The following DOCK1 variants were observed in gnomAD, a reference collection of about 807,000 sequenced individuals.
DOCK1 encodes the protein dedicator of cytokinesis 1.
A neutral mutation model predicts 262.7 loss-of-function variants in DOCK1; 138 were observed. That is an observed-to-expected ratio of 0.53 (90% confidence interval 0.46 to 0.61). The LOEUF is 0.61. Among genes scored for constraint, DOCK1 ranks in the 20% least tolerant of loss-of-function variants. DOCK1 has a pLI of 0.00. For missense variants in DOCK1, 1,908 were observed against 2,370.7 expected (o/e 0.80, Z 4.05); for synonymous variants, 866 against 867.4 (o/e 1.00, Z 0.03).
At chr10:127,074,643 C>T (rs535255020) in intron 23 of DOCK1, among the ~76,000 whole-genome samples, 6 of 152,228 alleles carry the variant, frequency 3.9e-5, no homozygotes, top group Non-Finnish European at 8.8e-5. Flanking sequence ...AGGTTTTCTT[C>T]TTGCCTGTGT....
chr10:127,378,581 G>T lies in DOCK1; in HGVS notation c.3676-1501G>T, dbSNP rs1351300986. Among the ~76,000 whole-genome samples, 8 of 152,326 alleles carry T rather than the reference G, an allele frequency of 5.3e-5. No homozygotes were observed. The East Asian group carries it at 1.5e-3, about 29-fold the overall frequency. On this transcript the variant is annotated intron_variant, in intron 35 of 51. Coordinates refer to ENST00000623213, the MANE Select transcript of DOCK1 (RefSeq NM_001290223.2). ...AGGAAGGGAACAGGACTCAGCACAG[G>T]CAGAAAATAGAAGACATTTCGTATC... is the stretch of plus-strand genomic sequence containing the variant.
chr10:126,949,677 C>T, intron 1 of DOCK1, among the ~76,000 whole-genome samples: 1 of 152,240 alleles, frequency 6.6e-6, no homozygotes, highest in Non-Finnish European at 1.5e-5. Context: ...TTGACTGATG[C>T]AGGAAGGATC....
intron 1 of DOCK1, among the ~76,000 whole-genome samples, chr10:126,949,380 G>T (rs1378853532): frequency 6.6e-6 from 1 of 152,088 alleles, no homozygotes; most frequent in African/African-American, 2.4e-5. Flanking sequence ...CAGGATTTCG[G>T]CTCCCACGTG....
At chr10:127,037,517 G>T (rs969712655) in intron 18 of DOCK1, among the ~76,000 whole-genome samples, 1 of 152,158 alleles carries the variant, frequency 6.6e-6, no homozygotes, top group Non-Finnish European at 1.5e-5. Flanking sequence ...GGTAAATGTC[G>T]TTGGGAATAA....
Position 127,404,354 on chromosome 10 carries a change from C to A in DOCK1, c.4047C>A (p.Ile1349=). The change falls in exon 40 of 52, where the codon ATC becomes ATA. Residue 1349 remains isoleucine, a synonymous_variant. Coordinates refer to ENST00000623213, the MANE Select transcript of DOCK1 (RefSeq NM_001290223.2). ...LKKQAQFYEN[I]VKVIRPKPDY... is the part of the protein sequence containing the mutation. The stretch of plus-strand genomic sequence containing the variant: ...AACAGGCTCAGTTTTATGAAAACAT[C>A]GTCAAAGTGATCAGGCCCAAGCCTG... 6.2e-7 allele frequency: 1 copy of A among 1,613,808 alleles called. No individual in the cohort carries two copies. Among genetic ancestry groups the A allele is most frequent in the Non-Finnish European group, 8.5e-7 (1 of 1,179,822 alleles).
chr10:127,126,117 CAG>C (rs2049941331), intron 26 of DOCK1, among the ~76,000 whole-genome samples: 1 of 146,540 alleles, frequency 6.8e-6, no homozygotes, highest in African/African-American at 2.5e-5. Flanking sequence ...TCTTTTGAGA[CAG>C]AGTCTTACAC....
intron 1 of DOCK1, among the ~76,000 whole-genome samples, chr10:126,910,502 C>T (rs2031610689): frequency 6.6e-6 from 1 of 151,992 alleles, no homozygotes; most frequent in East Asian, 1.9e-4. Context: ...TTCTTTTCTT[C>T]CTCTCTGTAC....
At chr10:127,070,206 C>T (rs1486110001) in intron 23 of DOCK1, among the ~76,000 whole-genome samples, 1 of 150,012 alleles carries the variant, frequency 6.7e-6, no homozygotes, top group Non-Finnish European at 1.5e-5. Context: ...AAGACTGTTT[C>T]CAAAACATTC....
At chr10:127,323,103 A>G (rs934082535) in intron 29 of DOCK1, among the ~76,000 whole-genome samples, 19 of 152,148 alleles carry the variant, frequency 1.2e-4, no homozygotes, top group Non-Finnish European at 2.4e-4. Flanking sequence ...AAGAATGGGA[A>G]GCCTGCCCCT....
At chr10:127,131,449 C>T (rs1313327432) in intron 27 of DOCK1, among the ~76,000 whole-genome samples, 2 of 152,252 alleles carry the variant, frequency 1.3e-5, no homozygotes, top group Non-Finnish European at 2.9e-5. Flanking sequence ...TCTGAATAAG[C>T]TATAATCATT....
At chr10:126,953,117 G>A in intron 1 of DOCK1, among the ~76,000 whole-genome samples, 1 of 152,034 alleles carries the variant, frequency 6.6e-6, no homozygotes, top group Non-Finnish European at 1.5e-5. Flanking sequence ...TATTGGTGAT[G>A]GTGGTGGTGG....
chr10:127,195,487 C>T (rs761452927), intron 27 of DOCK1, among the ~76,000 whole-genome samples: 1 of 152,170 alleles, frequency 6.6e-6, no homozygotes, highest in Non-Finnish European at 1.5e-5. Flanking sequence ...CGCCTCTCCT[C>T]AACGGCCGGC....
chr10:127,402,676 C>T, intron 38 of DOCK1: 1 of 523,376 alleles, frequency 1.9e-6, no homozygotes, highest in South Asian at 1.4e-5. Context: ...TAAATGGCAC[C>T]CCACAGCCTC....
intron 29 of DOCK1, among the ~76,000 whole-genome samples, chr10:127,273,102 G>T (rs188565354): frequency 4.3e-4 from 66 of 152,304 alleles, no homozygotes; most frequent in African/African-American, 1.6e-3. Context: ...ATGCTAGACG[G>T]CCTCACCTTC....
intron 19 of DOCK1, among the ~76,000 whole-genome samples, chr10:127,040,762 A>C (rs1232889291): frequency 1.3e-5 from 2 of 152,050 alleles, no homozygotes; most frequent in African/African-American, 4.8e-5. Flanking sequence ...TTTTTCTTTA[A>C]ATTACAGTTT....
chr10:127,392,503 G>T (rs1187651317), intron 38 of DOCK1, among the ~76,000 whole-genome samples: 1 of 152,132 alleles, frequency 6.6e-6, no homozygotes, highest in African/African-American at 2.4e-5. Context: ...AGTACAGCCA[G>T]GTCCCAGACA....
chr10:126,921,729 T>G (rs991512432), intron 1 of DOCK1, among the ~76,000 whole-genome samples: 1 of 152,102 alleles, frequency 6.6e-6, no homozygotes, highest in African/African-American at 2.4e-5. Flanking sequence ...CTCAACTCAC[T>G]GCAGCCTCCA....
chr10:127,288,066 G>T (rs1457688108), intron 29 of DOCK1, among the ~76,000 whole-genome samples: 1 of 152,152 alleles, frequency 6.6e-6, no homozygotes, highest in African/African-American at 2.4e-5. Flanking sequence ...TTATCTATTT[G>T]CTAAATAGTG....
rs562587500 is a variant in DOCK1 at position 127,186,091 on chromosome 10, C to T, written c.2847+58327C>T. ...TTCCTAAACTCAGTTGTCTAATCTG[C>T]TCTAGAGGATGAATCACTGGCTTTC... On this transcript the variant is annotated intron_variant, in intron 27 of 51. Transcript: ENST00000623213. 2.0e-4 allele frequency among the ~76,000 whole-genome samples: 31 copies of T among 152,268 alleles called. No individual in the cohort carries two copies. The South Asian group carries it at 6.4e-3, about 32-fold the overall frequency.
Sources: allele counts gnomAD v4.1 joint callset (sites outside exome capture counted in the v4.1 genomes callset), GRCh38; gene constraint gnomAD v4.1.1; transcripts MANE v1.5; gene names NCBI Gene and HGNC (gene_info 2026-07-23, HGNC 2026-07-21).